The following PDCD11 variants were observed in gnomAD, a reference collection of about 807,000 sequenced individuals.
PDCD11 encodes the protein programmed cell death 11.
A neutral mutation model predicts 198.9 loss-of-function variants in PDCD11; 97 were observed. That is an observed-to-expected ratio of 0.49 (90% CI 0.41 to 0.58). PDCD11 has a LOEUF of 0.58. Among genes scored for constraint, PDCD11 ranks in the 20% least tolerant of loss-of-function variants. The pLI is 0.00. For synonymous variants in PDCD11, 893 were observed against 918.0 expected, an observed-to-expected ratio of 0.97 and a Z score of 0.49; for missense variants, 2,102 against 2,312.7, an observed-to-expected ratio of 0.91 and a Z score of 1.87.
chr10:103,398,390 A>C, intron 1 of PDCD11, 26 bp from the exon 2 acceptor site: 1 of 1,358,342 alleles, frequency 7.4e-7, no homozygotes, highest in Non-Finnish European at 1.1e-6. Flanking sequence ...ACAACATGTC[A>C]CCATTATCCT....
At chr10:103,406,173 T>A (rs2133681886) in intron 6 of PDCD11, 65 bp downstream of exon 6, 5 of 1,574,786 alleles carry the variant, frequency 3.2e-6, no homozygotes, top group African/African-American at 2.7e-5. Context: ...TATATTTAAG[T>A]GCCATTTTGA....
At chr10:103,424,218 C>G (rs1293465968) in intron 19 of PDCD11, among the ~76,000 whole-genome samples, 2 of 152,162 alleles carry the variant, frequency 1.3e-5, no homozygotes, top group Non-Finnish European at 2.9e-5. Context: ...CTTCTGGACA[C>G]TTTTGTGTGA....
chr10:103,433,887 T>G, intron 22 of PDCD11, 61 bp from the exon 23 acceptor site: 4 of 1,366,036 alleles, frequency 2.9e-6, no homozygotes, highest in Non-Finnish European at 4.2e-6. Flanking sequence ...TTAGGAAAGT[T>G]TTAATGGCGG....
rs117802674 is a variant in PDCD11 at position 103,418,347 on chromosome 10, C to T, written c.1912-93C>T. ...GCTGCCTCTTAGAGATCCTTGGTGCCGGAGTTTAATGCCTCCAAGCCCTGC... is the reference window on the plus strand; with the variant it reads ...GCTGCCTCTTAGAGATCCTTGGTGCTGGAGTTTAATGCCTCCAAGCCCTGC... On this transcript the variant is annotated intron_variant, in intron 14 of 35. Coordinates refer to ENST00000369797, the MANE Select transcript of PDCD11 (RefSeq NM_014976.2). The T allele has an allele frequency of 1.1e-3, 1,138 of 995,996 alleles. 2 individuals are homozygous for T. Among genetic ancestry groups the T allele is most frequent in the Non-Finnish European group, 1.2e-3 (812 of 655,662 alleles). The allele number at this position is 995,996 out of a possible 1,614,324, so 61.7% of individuals were successfully genotyped here.
In PDCD11 at chr10:103,443,213, G is replaced by C. The variant is rs527593284; in HGVS notation, c.5004G>C (p.Glu1668Asp). ...LNVWVALLNL[E>D]NMYGSQESLT... ...TGTGGGTGGCTCTGCTGAACCTGGA[G>C]AACATGTACGGCTCTCAGGAGTCCC... The change falls in exon 33 of 36, where the codon GAG becomes GAC. Residue 1668 changes from glutamate to aspartate, a missense_variant. Glu to Asp is a conservative substitution (Grantham distance 45). Coordinates refer to ENST00000369797, the MANE Select transcript of PDCD11 (RefSeq NM_014976.2). 6.2e-7 allele frequency: 1 copy of C among 1,608,428 alleles called. No homozygotes were observed.
At chr10:103,431,389 G>A (rs1417106181) in intron 21 of PDCD11, among the ~76,000 whole-genome samples, 4 of 151,878 alleles carry the variant, frequency 2.6e-5, no homozygotes, top group African/African-American at 9.7e-5. Context: ...TCAGGAGTTC[G>A]AGACCAGCCT....
chr10:103,421,931 C>T (rs2031454460), intron 17 of PDCD11, among the ~76,000 whole-genome samples: 1 of 134,450 alleles, frequency 7.4e-6, no homozygotes, highest in Admixed American at 8.3e-5. Flanking sequence ...TGCGTCACTG[C>T]AGCCCGCAGT....
chr10:103,410,769 G>A (rs945739209), intron 8 of PDCD11, among the ~76,000 whole-genome samples: 6 of 151,540 alleles, frequency 4.0e-5, no homozygotes, highest in Admixed American at 1.3e-4. Context: ...CACAATGCCT[G>A]GCTAGTTAAA....
rs1033014939 is a variant in PDCD11, at chr10:103,434,968, G to C, written c.3838G>C (p.Val1280Leu). The change falls in exon 25 of 36, where the codon GTT becomes CTT. Residue 1280 changes from valine (V) to leucine (L), a missense_variant. Coordinates refer to ENST00000369797, the MANE Select transcript of PDCD11 (RefSeq NM_014976.2). The part of the protein sequence containing the change: ...TPLEDFVPQK[V>L]VRCYILSTAD... ...CCTGGAAGACTTCGTCCCCCAGAAGGTTGTCAGGTAAGCGAAGTGTTCTTC... is the reference window on the plus strand; with the variant it reads ...CCTGGAAGACTTCGTCCCCCAGAAGCTTGTCAGGTAAGCGAAGTGTTCTTC... 1.9e-6 allele frequency: 3 copies of C among 1,553,068 alleles called. No homozygotes were observed. The African/African-American group carries it at 4.2e-5, about 22-fold the overall frequency.
At chr10:103,423,769 C>G (rs2133717602) in intron 19 of PDCD11, 111 bp downstream of exon 19, 1 of 727,242 alleles carries the variant, frequency 1.4e-6, no homozygotes, top group East Asian at 2.7e-5. Flanking sequence ...AGCCCTATGT[C>G]TGGATGGATC....
chr10:103,432,321 G>A, intron 22 of PDCD11, 87 bp downstream of exon 22: 1 of 947,138 alleles, frequency 1.1e-6, no homozygotes, highest in Non-Finnish European at 1.7e-6. Context: ...CATTAGCAGA[G>A]AAAGGCATTT....
chr10:103,431,652 C>A (rs1430634521), intron 21 of PDCD11, among the ~76,000 whole-genome samples: 3 of 144,752 alleles, frequency 2.1e-5, no homozygotes, highest in Admixed American at 1.4e-4. Context: ...AAAAAAAAAT[C>A]AAGAAAATGC....
At chr10:103,444,147 T>G in intron 34 of PDCD11, 79 bp downstream of exon 34, 2 of 1,302,860 alleles carry the variant, frequency 1.5e-6, no homozygotes, top group East Asian at 4.8e-5. Flanking sequence ...CATTGCTTCT[T>G]CTAAGTCAGG....
intron 17 of PDCD11, among the ~76,000 whole-genome samples, chr10:103,421,989 A>G (rs925099304): frequency 1.3e-5 from 2 of 148,388 alleles, no homozygotes; most frequent in African/African-American, 4.9e-5. Flanking sequence ...AAAAAAAAAA[A>G]AAAGAAAAAA....
chr10:103,409,815 T>C lies in PDCD11; in HGVS notation c.978+9T>C, dbSNP rs758191448. ...ATTTCTCAAATCAGGCAGTAAGAAA[T>C]GTTGAGCCTATATTTTCTTGATTCC... On this transcript the variant is annotated intron_variant, in intron 8 of 35. Transcript: ENST00000369797. 10 of 1,592,670 alleles carry C rather than the reference T, an allele frequency of 6.3e-6. No homozygotes were observed. Among genetic ancestry groups the C allele is most frequent in the Non-Finnish European group, 8.6e-6 (10 of 1,160,416 alleles).
At chr10:103,442,904 C>T (rs562955126) in intron 32 of PDCD11, among the ~76,000 whole-genome samples, 164 of 152,250 alleles carry the variant, frequency 1.1e-3, no homozygotes, top group African/African-American at 3.6e-3. Flanking sequence ...ACCTCAGGCC[C>T]GTTTGGGATC....
intron 20 of PDCD11, 108 bp from the exon 21 acceptor site, chr10:103,427,219 CAG>C: frequency 1.1e-6 from 1 of 886,788 alleles, no homozygotes; most frequent in East Asian, 2.4e-5. Flanking sequence ...GACAGTGGAA[CAG>C]GGTGCTTTTG....
chr10:103,434,263 G>C lies in PDCD11; in HGVS notation c.3580G>C (p.Asp1194His), dbSNP rs140323624. The part of the protein sequence containing the change: ...SLSFKVLKHP[D>H]KKFRVGQALR... Reference sequence around the variant, plus strand: ...ATCCTTCCAGGTTCTGAAGCATCCAGATAAGAAGTTCCGGGTTGGCCAGGC... The same window carrying C: ...ATCCTTCCAGGTTCTGAAGCATCCACATAAGAAGTTCCGGGTTGGCCAGGC... The change falls in exon 24 of 36, where the codon GAT becomes CAT. Residue 1194 changes from aspartate to histidine, a missense_variant. By Grantham distance (81) the Asp-to-His change is moderately conservative (BLOSUM62 -1). Transcript: ENST00000369797. 5.0e-6 allele frequency: 8 copies of C among 1,612,686 alleles called. No homozygotes were observed. The African/African-American group carries it at 9.3e-5, about 19-fold the overall frequency.
intron 25 of PDCD11, among the ~76,000 whole-genome samples, chr10:103,435,617 A>G (rs1175467376): frequency 6.6e-6 from 1 of 151,936 alleles, no homozygotes; most frequent in Non-Finnish European, 1.5e-5. Flanking sequence ...AGTTCAAGCA[A>G]TTCTCCTGCC....
Sources: gnomAD v4.1 joint callset for allele counts (sites outside exome capture counted in the v4.1 genomes callset) on GRCh38, gnomAD v4.1.1 for gene constraint, MANE v1.5 for transcripts, NCBI Gene and HGNC (gene_info 2026-07-23, HGNC 2026-07-21) for gene names.